Variants in PXN observed in about 807,000 individuals in gnomAD.
PXN encodes paxillin.
PXN carries 61 observed loss-of-function variants against 103.6 expected under a neutral mutation model. The observed-to-expected ratio is 0.59, with a 90% CI of 0.48 to 0.73. The LOEUF (loss-of-function observed/expected upper bound fraction) is 0.73. PXN is among the 30% of genes least tolerant of loss of function. The pLI is 0.00. For synonymous variants in PXN, 562 were observed against 607.8 expected, an observed-to-expected ratio of 0.92 and a Z score of 1.11; for missense variants, 1,274 against 1,460.3, an observed-to-expected ratio of 0.87 and a Z score of 2.08.
Position 120,221,567 on chromosome 12 carries a change from G to A in PXN, c.831+56C>T. The A allele has an allele frequency of 2.0e-6, 3 of 1,515,368 alleles. No homozygotes were observed. The highest frequency in any genetic ancestry group is 1.4e-5 in the African/African-American group (1 of 72,874). The allele number at this position is 1,515,368 out of a possible 1,614,324, so 93.9% of individuals were successfully genotyped here. A position where few individuals can be genotyped will look rare whatever the true frequency, so the allele number is the denominator to read the frequency against. Reference sequence around the variant, plus strand: ...CAGCTACCCACACTGAGGTAAGGGAGGAGAAGGATGAGGGAGGGGCGGCAG... The same window carrying A: ...CAGCTACCCACACTGAGGTAAGGGAAGAGAAGGATGAGGGAGGGGCGGCAG... On this transcript the variant is annotated intron_variant, in intron 6 of 14. Transcript: ENST00000637617. This position sits in a 1 kb window ranked among gnomAD's most constrained non-coding sequence, Gnocchi z 6.6.
chr12:120,227,475 G>A (rs530816126), intron 1 of PXN, among the ~76,000 whole-genome samples: 9 of 152,318 alleles, frequency 5.9e-5, no homozygotes, highest in East Asian at 3.9e-4. Context: ...CACTCTAGCC[G>A]GGGTGACAGA....
chr12:120,240,955 CT>C (rs1890037106), intron 1 of PXN, among the ~76,000 whole-genome samples: 3 of 152,092 alleles, frequency 2.0e-5, no homozygotes, highest in Admixed American at 6.5e-5. Context: ...TCCACATTCT[CT>C]TTTTTTCCCT....
chr12:120,212,674 G>A lies in PXN; in HGVS notation c.2980-94C>T. ...CGAGGTGGGCATAGTCGGCACGCTC[G>A]GAGTGACTCCTACTTGCTAGGCGTT... On this transcript the variant is annotated intron_variant, in intron 14 of 14. Coordinates refer to ENST00000637617, the MANE Select transcript of PXN (RefSeq NM_001385981.1). This position sits in a 1 kb window ranked among gnomAD's most constrained non-coding sequence, Gnocchi z 7.2. 4.2e-6 allele frequency: 6 copies of A among 1,436,934 alleles called. No homozygotes were observed. Among genetic ancestry groups the A allele is most frequent in the South Asian group, 1.3e-5 (1 of 77,342 alleles). The allele number at this position is 1,436,934 out of a possible 1,614,324, so 89.0% of individuals were successfully genotyped here. A position where few individuals can be genotyped will look rare whatever the true frequency, so the allele number is the denominator to read the frequency against.
chr12:120,243,123 C>T (rs1890444560), intron 1 of PXN, among the ~76,000 whole-genome samples: 1 of 152,186 alleles, frequency 6.6e-6, no homozygotes, highest in Non-Finnish European at 1.5e-5. Context: ...CACGTCCGCC[C>T]TCCAGGCCTC....
chr12:120,249,969 G>A (rs1891884097), intron 1 of PXN: 1 of 985,394 alleles, frequency 1.0e-6, no homozygotes, highest in Admixed American at 6.2e-5. Flanking sequence ...TTCCAAGACA[G>A]GCAGCATGTG....
chr12:120,219,100 C>T lies in PXN; in HGVS notation c.1716+107G>A, dbSNP rs1239678829. ...GCCACAGTGTCTCAGCATTTTCTGC[C>T]CAAGCAGACATGCGCAGAGTGGGAG... On this transcript the variant is annotated intron_variant, in intron 7 of 14. Transcript: ENST00000637617. This position sits in a 1 kb window ranked among gnomAD's most constrained non-coding sequence, Gnocchi z 6.5. 25 of 1,226,496 alleles carry T rather than the reference C, an allele frequency of 2.0e-5. No individual in the cohort carries two copies. The highest frequency in any genetic ancestry group is 2.7e-5 in the Non-Finnish European group (25 of 912,598). 76.0% of individuals were successfully genotyped at this position (1,226,496 alleles called of 1,614,324 possible). A position where few individuals can be genotyped will look rare whatever the true frequency, so the allele number is the denominator to read the frequency against.
chr12:120,249,365 G>C (rs1398932065), intron 1 of PXN, among the ~76,000 whole-genome samples: 1 of 152,138 alleles, frequency 6.6e-6, no homozygotes, highest in Admixed American at 6.5e-5. Context: ...CAGAAGCACA[G>C]AGGGGGAGTG....
chr12:120,214,329 C>T lies in PXN; in HGVS notation c.2749-112G>A. The T allele has an allele frequency of 1.1e-6, 1 of 893,470 alleles. No individual in the cohort carries two copies. 55.3% of individuals were successfully genotyped at this position (893,470 alleles called of 1,614,324 possible). A position where few individuals can be genotyped will look rare whatever the true frequency, so the allele number is the denominator to read the frequency against. Reference sequence around the variant, plus strand: ...GCTCATAGCCATAGACAGAGCAAAACACTCCCAAGATGGGGGTCTCTCCTA... The same window carrying T: ...GCTCATAGCCATAGACAGAGCAAAATACTCCCAAGATGGGGGTCTCTCCTA... On this transcript the variant is annotated intron_variant, in intron 12 of 14. Transcript: ENST00000637617. This position sits in a 1 kb window ranked among gnomAD's most constrained non-coding sequence, Gnocchi z 5.0.
At chr12:120,248,492 T>TCACA (rs3221954) in intron 1 of PXN, among the ~76,000 whole-genome samples, 4,037 of 127,858 alleles carry the variant, frequency 0.032, 97 homozygotes, top group East Asian at 0.06. Context: ...CAGATGACTT[T>TCACA]CACACACACA....
At chr12:120,237,465 A>C (rs1889311062) in intron 1 of PXN, among the ~76,000 whole-genome samples, 1 of 152,134 alleles carries the variant, frequency 6.6e-6, no homozygotes, top group Non-Finnish European at 1.5e-5. Flanking sequence ...CCCCACCCGC[A>C]TGTGTTCCAG....
intron 1 of PXN, among the ~76,000 whole-genome samples, chr12:120,264,897 G>A (rs912599498): frequency 6.6e-6 from 1 of 152,136 alleles, no homozygotes; most frequent in Non-Finnish European, 1.5e-5. Flanking sequence ...TCCACAGAGC[G>A]GGGAGGTCAG....
intron 3 of PXN, 29 bp from the exon 4 acceptor site, chr12:120,223,028 G>T: frequency 6.2e-7 from 1 of 1,613,894 alleles, no homozygotes; most frequent in Non-Finnish European, 8.5e-7. Context: ...AGAAGATAGT[G>T]AGAGATGCTT....
rs562741863 is a variant in PXN, at chr12:120,211,695, GAAC to G, written c.*616_*618del. The G allele has an allele frequency of 2.1e-4, 71 of 332,410 alleles. No homozygotes were observed. Among genetic ancestry groups the G allele is most frequent in the South Asian group, 1.6e-3 (66 of 41,520 alleles). The allele number at this position is 332,410 out of a possible 1,614,324, so 20.6% of individuals were successfully genotyped here. A position where few individuals can be genotyped will look rare whatever the true frequency, so the allele number is the denominator to read the frequency against. On this transcript the variant is annotated 3_prime_UTR_variant, in exon 15 of 15. Coordinates refer to ENST00000637617, the MANE Select transcript of PXN (RefSeq NM_001385981.1). ...ATTGCTGGAGAGGCTTTTCTCAGTA[GAAC>G]AAGAGCAGGTATAAAAGGGGAGGGC...
In PXN at chr12:120,214,951, G is replaced by A. The variant is rs900278206; in HGVS notation, c.2622C>T (p.Cys874=). The change falls in exon 12 of 15, where the codon TGC becomes TGT. Residue 874 remains cysteine (C), a synonymous_variant. Transcript: ENST00000637617. This position sits in a 1 kb window ranked among gnomAD's most constrained non-coding sequence, Gnocchi z 5.0. The part of the protein sequence containing the change: ...GKTWHPEHFV[C]THCQEEIGSR... ...ATCCGATCTCCTCCTGGCAGTGGGT[G>A]CAGACGAAGTGCTCGGGGTGCCACG... 1 of 1,613,928 alleles carries A rather than the reference G, an allele frequency of 6.2e-7. No homozygotes were observed. Among genetic ancestry groups the A allele is most frequent in the Non-Finnish European group, 8.5e-7 (1 of 1,179,834 alleles).
chr12:120,215,063 G>A lies in PXN; in HGVS notation c.2574+40C>T, dbSNP rs200411998. The stretch of plus-strand genomic sequence containing the variant: ...CCCCGGAGCACCCCCACCCCTGCAG[G>A]AGTCCACTGGCCACACCCCTGCCCA... On this transcript the variant is annotated intron_variant, in intron 11 of 14. Coordinates refer to ENST00000637617, the MANE Select transcript of PXN (RefSeq NM_001385981.1). The surrounding 1 kb of genome is among the most constrained non-coding windows in gnomAD (Gnocchi z 4.9). 4.6e-5 allele frequency: 73 copies of A among 1,599,644 alleles called. No homozygotes were observed. The South Asian group carries it at 4.6e-4, about 10-fold the overall frequency.
rs1481232408 is a variant in PXN, at chr12:120,224,481, A to T, written c.14-104T>A. The T allele has an allele frequency of 1.2e-6, 1 of 846,846 alleles. No homozygotes were observed. The highest frequency in any genetic ancestry group is 2.0e-6 in the Non-Finnish European group (1 of 490,210). The allele number at this position is 846,846 out of a possible 1,614,324, so 52.5% of individuals were successfully genotyped here. A position where few individuals can be genotyped will look rare whatever the true frequency, so the allele number is the denominator to read the frequency against. ...ACCTCAAGAGTTAATGCCTTCTAGCACCTGCCCCACCCATGGGAGAAATGA... is the reference window on the plus strand; with the variant it reads ...ACCTCAAGAGTTAATGCCTTCTAGCTCCTGCCCCACCCATGGGAGAAATGA... On this transcript the variant is annotated intron_variant, in intron 1 of 14. Coordinates refer to ENST00000637617, the MANE Select transcript of PXN (RefSeq NM_001385981.1). The surrounding 1 kb of genome is among the most constrained non-coding windows in gnomAD (Gnocchi z 5.0).
intron 1 of PXN, among the ~76,000 whole-genome samples, chr12:120,250,775 A>G (rs1892019856): frequency 6.6e-6 from 1 of 152,186 alleles, no homozygotes. Context: ...GTCCTAAATC[A>G]CATTCTTCCA....
intron 1 of PXN, among the ~76,000 whole-genome samples, chr12:120,255,351 G>C (rs377378338): frequency 1.3e-5 from 2 of 152,188 alleles, no homozygotes; most frequent in Non-Finnish European, 2.9e-5. Flanking sequence ...GGTGAGACAG[G>C]TGTCTCAGCA....
At chr12:120,239,310 G>A (rs1321569497) in intron 1 of PXN, among the ~76,000 whole-genome samples, 1 of 152,170 alleles carries the variant, frequency 6.6e-6, no homozygotes, top group Non-Finnish European at 1.5e-5. Flanking sequence ...TAGGCCAGGC[G>A]GGGTGGCTCA....
Sources: gnomAD v4.1 joint callset for allele counts (sites outside exome capture counted in the v4.1 genomes callset) on GRCh38, gnomAD v4.1.1 for gene constraint, Gnocchi (gnomAD v3.1) non-coding constraint, MANE v1.5 for transcripts, NCBI Gene and HGNC (gene_info 2026-07-23, HGNC 2026-07-21) for gene names.